KALRN: variants seen among roughly 807,000 people sequenced by gnomAD.
The protein encoded by KALRN is kalirin RhoGEF kinase.
In KALRN, 70 loss-of-function variants were observed where a neutral mutation model predicts 353.7. The observed-to-expected ratio is 0.20, with a 90% CI of 0.16 to 0.24. KALRN has a LOEUF of 0.24. Among genes scored for constraint, KALRN ranks in the 10% least tolerant of loss-of-function variants. The pLI, the probability that KALRN is intolerant of heterozygous loss-of-function variation, is 1.00. For missense variants in KALRN, 2,791 were observed against 3,756.7 expected, an observed-to-expected ratio of 0.74 and a Z score of 6.72; for synonymous variants, 1,391 against 1,434.8, an observed-to-expected ratio of 0.97 and a Z score of 0.69.
intron 5 of KALRN, among the ~76,000 whole-genome samples, chr3:124,295,907 T>G (rs2076807627): frequency 6.6e-6 from 1 of 152,130 alleles, no homozygotes; most frequent in Non-Finnish European, 1.5e-5. Flanking sequence ...CAAATGCCTG[T>G]GATGTGAGGG....
At chr3:124,286,537 C>A (rs936045393) in intron 5 of KALRN, among the ~76,000 whole-genome samples, 4 of 152,232 alleles carry the variant, frequency 2.6e-5, no homozygotes, top group East Asian at 1.9e-4. Context: ...AGGCATGAAC[C>A]ACTGCACCCT....
At chr3:124,298,600 C>G (rs997527740) in intron 5 of KALRN, among the ~76,000 whole-genome samples, 191 bp from the exon 6 acceptor site, 1 of 152,132 alleles carries the variant, frequency 6.6e-6, no homozygotes, top group African/African-American at 2.4e-5. Context: ...TGGGGTCTTA[C>G]GCTAAAAGTG....
chr3:124,522,656 T>C (rs1280448991), intron 33 of KALRN, among the ~76,000 whole-genome samples: 1 of 152,164 alleles, frequency 6.6e-6, no homozygotes, highest in Non-Finnish European at 1.5e-5. Context: ...TGTGGTTCAA[T>C]AAGATTTGGA....
chr3:124,200,602 G>C (rs1560213619), intron 1 of KALRN, among the ~76,000 whole-genome samples: 1 of 152,194 alleles, frequency 6.6e-6, no homozygotes, highest in Non-Finnish European at 1.5e-5. Context: ...TGGGGCAGGG[G>C]GACAGAAACT....
At chr3:124,069,918 C>G (rs999716526) in intron 1 of KALRN, among the ~76,000 whole-genome samples, 1 of 152,082 alleles carries the variant, frequency 6.6e-6, no homozygotes, top group African/African-American at 2.4e-5. Context: ...GGAGAGACTA[C>G]TGGAGAGCCT....
intron 28 of KALRN, 68 bp from the exon 29 acceptor site, chr3:124,488,136 C>G: frequency 1.1e-6 from 1 of 908,072 alleles, no homozygotes; most frequent in Non-Finnish European, 1.8e-6. Context: ...AATTTCCTTG[C>G]TGGGTTAGGT....
At chr3:124,245,808 T>C (rs1289999298) in intron 3 of KALRN, among the ~76,000 whole-genome samples, 2 of 152,218 alleles carry the variant, frequency 1.3e-5, no homozygotes, top group African/African-American at 4.8e-5. Context: ...GGCCATTTTG[T>C]ATATCTTCTT....
At chr3:124,664,378 C>CGT (rs1553719941) in intron 45 of KALRN, among the ~76,000 whole-genome samples, 3 of 148,108 alleles carry the variant, frequency 2.0e-5, no homozygotes, top group Non-Finnish European at 4.4e-5. Context: ...TGTGCGCGCG[C>CGT]GCGCATATAA....
chr3:124,505,795 CAT>C (rs1468515958), intron 33 of KALRN, among the ~76,000 whole-genome samples: 3 of 152,180 alleles, frequency 2.0e-5, no homozygotes, highest in Non-Finnish European at 4.4e-5. Context: ...TGGTATAAAA[CAT>C]AACAATGTCA....
At chr3:124,041,580 A>G (rs1308919973) in intron 1 of KALRN, among the ~76,000 whole-genome samples, 1 of 152,144 alleles carries the variant, frequency 6.6e-6, no homozygotes, top group Non-Finnish European at 1.5e-5. Flanking sequence ...CCTCCTCTGC[A>G]TAAGTAGAAG....
Position 124,669,362 on chromosome 3 carries a change from C to G in KALRN, c.6703+2179C>G, listed in dbSNP as rs1437092619. Among the ~76,000 whole-genome samples, 9 of 152,100 alleles carry G rather than the reference C, an allele frequency of 5.9e-5. No individual in the cohort carries two copies. In the East Asian group the frequency reaches 1.7e-3, roughly 29 times the overall value. On this transcript the variant is annotated intron_variant, in intron 47 of 59. Transcript: ENST00000682506. Reference sequence around the variant, plus strand: ...CTGTATCGATCAGTCAAAAACAAACCCTGTAGGGACGCACAGTTTTCTTGA... The same window carrying G: ...CTGTATCGATCAGTCAAAAACAAACGCTGTAGGGACGCACAGTTTTCTTGA...
At chr3:124,090,986 C>T (rs2061084918) in intron 1 of KALRN, among the ~76,000 whole-genome samples, 1 of 152,146 alleles carries the variant, frequency 6.6e-6, no homozygotes, top group Non-Finnish European at 1.5e-5. Flanking sequence ...AGGTGTGGAC[C>T]TAAGAAGCCC....
intron 1 of KALRN, among the ~76,000 whole-genome samples, chr3:124,207,470 G>A (rs564529563): frequency 1.8e-4 from 27 of 152,174 alleles, no homozygotes; most frequent in African/African-American, 4.6e-4. Context: ...ATCAAACAGC[G>A]TGTTTGAGGC....
chr3:124,086,737 T>C (rs1450684732), intron 1 of KALRN, among the ~76,000 whole-genome samples: 1 of 152,170 alleles, frequency 6.6e-6, no homozygotes, highest in Admixed American at 6.5e-5. Flanking sequence ...TAGTACAAAA[T>C]AAATAGGTCT....
chr3:124,550,819 C>G (rs2070417321), intron 33 of KALRN, among the ~76,000 whole-genome samples: 1 of 152,084 alleles, frequency 6.6e-6, no homozygotes, highest in Non-Finnish European at 1.5e-5. Flanking sequence ...GAAACCCCGT[C>G]TGTACTAAAA....
chr3:124,131,609 AATC>A (rs1332629012), intron 1 of KALRN, among the ~76,000 whole-genome samples: 1 of 152,228 alleles, frequency 6.6e-6, no homozygotes, highest in Non-Finnish European at 1.5e-5. Flanking sequence ...GTGATTTATG[AATC>A]ATCATGGTAC....
At chr3:124,526,386 A>C (rs1326445470) in intron 33 of KALRN, among the ~76,000 whole-genome samples, 2 of 152,034 alleles carry the variant, frequency 1.3e-5, no homozygotes, top group African/African-American at 4.8e-5. Flanking sequence ...CAGCATGGCC[A>C]ATATAGCGAG....
intron 34 of KALRN, among the ~76,000 whole-genome samples, chr3:124,621,302 C>T (rs333309): frequency 0.72 from 110,039 of 152,092 alleles, 40,445 homozygotes; most frequent in East Asian, 0.87. Flanking sequence ...AAAATAGATA[C>T]AGATGTTCTA....
At chr3:124,468,117 T>A (rs184419130) in intron 25 of KALRN, among the ~76,000 whole-genome samples, 107 of 152,120 alleles carry the variant, frequency 7.0e-4, no homozygotes, top group Non-Finnish European at 3.5e-4. Flanking sequence ...CAAGGTGGTG[T>A]TTTTCAAACC....
Sources: gnomAD v4.1 joint callset for allele counts (sites outside exome capture counted in the v4.1 genomes callset) on GRCh38, gnomAD v4.1.1 for gene constraint, MANE v1.5 for transcripts, NCBI Gene and HGNC (gene_info 2026-07-23, HGNC 2026-07-21) for gene names.